MYO3A: variants seen among roughly 807,000 people sequenced by gnomAD.
The protein encoded by MYO3A is myosin-IIIa.
In MYO3A, 180 loss-of-function variants were observed where a neutral mutation model predicts 192.7. That is an observed-to-expected ratio of 0.93 (90% CI 0.83 to 1.06). MYO3A has a LOEUF of 1.06. MYO3A is among the 50% of genes least tolerant of loss of function. The pLI, the probability that MYO3A is intolerant of heterozygous loss-of-function variation, is 0.00. For missense variants in MYO3A, 1,896 were observed against 1,905.0 expected (o/e 1.00, Z 0.09); for synonymous variants, 628 against 645.3 (o/e 0.97, Z 0.41).
At chr10:26,075,817 G>C (rs540994391) in intron 14 of MYO3A, among the ~76,000 whole-genome samples, 1 of 144,958 alleles carries the variant, frequency 6.9e-6, no homozygotes, top group Admixed American at 7.0e-5. Context: ...ATATATATAT[G>C]TCTCTCATAT....
At chr10:26,097,372 AAGTT>A (rs1837104980) in intron 17 of MYO3A, among the ~76,000 whole-genome samples, 1 of 152,030 alleles carries the variant, frequency 6.6e-6, no homozygotes, top group Non-Finnish European at 1.5e-5. Context: ...TTTTTAAAGT[AAGTT>A]CTTTAACGTT....
chr10:26,063,608 CAAAT>C (rs921572938), intron 10 of MYO3A, among the ~76,000 whole-genome samples: 7 of 152,064 alleles, frequency 4.6e-5, no homozygotes, highest in Non-Finnish European at 7.4e-5. Context: ...GGCCAGCACA[CAAAT>C]GAATGACTGA....
chr10:26,016,723 G>A (rs1353166217), intron 6 of MYO3A, 97 bp from the exon 7 acceptor site: 1 of 1,196,976 alleles, frequency 8.4e-7, no homozygotes, highest in East Asian at 2.4e-5. Flanking sequence ...TTGAGGAAAT[G>A]GAATTTTAAT....
At chr10:26,059,195 T>G (rs1834313679) in intron 10 of MYO3A, among the ~76,000 whole-genome samples, 1 of 116,510 alleles carries the variant, frequency 8.6e-6, no homozygotes, top group Middle Eastern at 5.1e-3. Context: ...TTTGGTCTTA[T>G]TGCATTAGCT....
intron 10 of MYO3A, among the ~76,000 whole-genome samples, chr10:26,050,315 C>T (rs1020954286): frequency 6.6e-6 from 1 of 152,162 alleles, no homozygotes; most frequent in Non-Finnish European, 1.5e-5. Context: ...CAATCATACA[C>T]TCACCAGTGA....
At chr10:26,023,322 A>C (rs1451026307) in intron 8 of MYO3A, 1 of 152,300 alleles carries the variant, frequency 6.6e-6, no homozygotes, top group African/African-American at 2.4e-5. Context: ...ATAAAGCAGC[A>C]CTTCAGCAAA....
chr10:26,171,848 A>C (rs1464248851), intron 29 of MYO3A, among the ~76,000 whole-genome samples: 2 of 152,202 alleles, frequency 1.3e-5, no homozygotes, highest in Non-Finnish European at 2.9e-5. Context: ...CTGCTTGTAG[A>C]TATCACATCT....
intron 17 of MYO3A, among the ~76,000 whole-genome samples, chr10:26,118,360 CA>C (rs1838646589): frequency 6.6e-6 from 1 of 152,178 alleles, no homozygotes; most frequent in African/African-American, 2.4e-5. Flanking sequence ...AAATGATCTA[CA>C]TCTAATATAT....
chr10:26,120,056 C>G (rs370587700), intron 17 of MYO3A, among the ~76,000 whole-genome samples: 12 of 151,002 alleles, frequency 7.9e-5, no homozygotes, highest in Admixed American at 2.0e-4. Flanking sequence ...TACATCTACA[C>G]AGGAGTCGCA....
chr10:26,147,368 G>A (rs1246905859), intron 22 of MYO3A, 62 bp from the exon 23 acceptor site: 1 of 1,454,046 alleles, frequency 6.9e-7, no homozygotes, highest in Non-Finnish European at 9.6e-7. Context: ...GATGATGATG[G>A]TGAGGAGGAG....
chr10:26,036,514 A>G (rs549324884), intron 10 of MYO3A, among the ~76,000 whole-genome samples: 22 of 152,294 alleles, frequency 1.4e-4, no homozygotes, highest in Admixed American at 2.6e-4. Flanking sequence ...TCAGTGAAAA[A>G]AAGGCCTGGA....
chr10:26,172,328 G>A (rs77339175), intron 29 of MYO3A, among the ~76,000 whole-genome samples: 11,248 of 152,308 alleles, frequency 0.074, 464 homozygotes, highest in Non-Finnish European at 0.089. Flanking sequence ...GGCCCAGGCC[G>A]GCAGGGCTCT....
chr10:26,070,784 A>G (rs930535201), intron 14 of MYO3A, among the ~76,000 whole-genome samples: 2 of 152,098 alleles, frequency 1.3e-5, no homozygotes, highest in African/African-American at 4.8e-5. Context: ...TCAATTGCAA[A>G]TTGAATCTTA....
In MYO3A at chr10:26,082,756, T is replaced by TTCTC. The variant is rs59341701; in HGVS notation, c.1360-5428_1360-5425dup. On this transcript the variant is annotated intron_variant, in intron 14 of 34. Coordinates refer to ENST00000642920, the MANE Select transcript of MYO3A (RefSeq NM_017433.5). ...ATGGTCTCTTTCTCTCTCTCTCTTT[T>TTCTC]TCTCTCTCTCTCTCTCTCTCTCAGA... is the stretch of plus-strand genomic sequence containing the variant. Among the ~76,000 whole-genome samples, 324 of 149,584 alleles carry TTCTC rather than the reference T, an allele frequency of 2.2e-3. 1 individual carries two copies. Among genetic ancestry groups the TTCTC allele is most frequent in the African/African-American group, 7.4e-3 (299 of 40,648 alleles).
chr10:26,018,049 TG>T (rs921837390), intron 7 of MYO3A, among the ~76,000 whole-genome samples: 29 of 151,062 alleles, frequency 1.9e-4, no homozygotes, highest in Non-Finnish European at 1.5e-5. Flanking sequence ...TTATGGGTTT[TG>T]TATGTTTATT....
chr10:26,099,254 T>G (rs1837269402), intron 17 of MYO3A, among the ~76,000 whole-genome samples: 1 of 152,234 alleles, frequency 6.6e-6, no homozygotes, highest in African/African-American at 2.4e-5. Flanking sequence ...TTTGGCACAT[T>G]GATTTTGTAT....
chr10:25,936,925 C>A (rs748225121), intron 2 of MYO3A, among the ~76,000 whole-genome samples: 1 of 151,844 alleles, frequency 6.6e-6, no homozygotes, highest in Non-Finnish European at 1.5e-5. Flanking sequence ...TCCATTTTTC[C>A]TGATATCTGA....
Position 26,123,241 on chromosome 10 carries a change from T to C in MYO3A, c.1904-2157T>C, listed in dbSNP as rs141664180. On this transcript the variant is annotated intron_variant, in intron 18 of 34. Coordinates refer to ENST00000642920, the MANE Select transcript of MYO3A (RefSeq NM_017433.5). ...TATTTGACTACATAAAAATTAAAAC[T>C]TTTATACTAAAAAAAGAAAGCATAA... Among the ~76,000 whole-genome samples, 194 of 152,228 alleles carry C rather than the reference T, an allele frequency of 1.3e-3. 3 individuals are homozygous for C. Among genetic ancestry groups the C allele is most frequent in the African/African-American group, 4.3e-3 (179 of 41,558 alleles).
In MYO3A at chr10:26,173,698, T is replaced by A; in HGVS notation, c.3434T>A (p.Ile1145Asn). 1.9e-6 allele frequency: 3 copies of A among 1,613,898 alleles called. No individual in the cohort carries two copies. Among genetic ancestry groups the A allele is most frequent in the Non-Finnish European group, 2.5e-6 (3 of 1,179,922 alleles). ...GTGAAGAAACAAGCAGAAAATGCAATCTCTGCTAATGAAAGATTCATTTCA... is the reference window on the plus strand; with the variant it reads ...GTGAAGAAACAAGCAGAAAATGCAAACTCTGCTAATGAAAGATTCATTTCA... ...SFVKKQAENAISANERFISAP... is the reference protein window; with the variant it reads ...SFVKKQAENANSANERFISAP... The change falls in exon 30 of 35, where the codon ATC (isoleucine) becomes AAC (asparagine). Residue 1145 changes from isoleucine (I) to asparagine (N), a missense_variant. By Grantham distance (149) the Ile-to-Asn change is moderately radical. Coordinates refer to ENST00000642920, the MANE Select transcript of MYO3A (RefSeq NM_017433.5).
Sources: allele counts gnomAD v4.1 joint callset (sites outside exome capture counted in the v4.1 genomes callset), GRCh38; gene constraint gnomAD v4.1.1; transcripts MANE v1.5; gene names NCBI Gene and HGNC (gene_info 2026-07-23, HGNC 2026-07-21).